Variants in COG6 observed in about 807,000 individuals in gnomAD.
COG6 encodes the protein conserved oligomeric Golgi complex subunit 6.
In COG6, 74 loss-of-function variants were observed where a neutral mutation model predicts 88.8. The observed-to-expected ratio is 0.83, with a 90% confidence interval of 0.69 to 1.01. The LOEUF (loss-of-function observed/expected upper bound fraction) is 1.01. Ranked by LOEUF, COG6 falls within the 50% of genes least tolerant of loss-of-function variation. The pLI is 0.00. For synonymous variants in COG6, 286 were observed against 278.7 expected, an observed-to-expected ratio of 1.03 and a Z score of -0.26; for missense variants, 800 against 797.9, an observed-to-expected ratio of 1.00 and a Z score of -0.03.
At chr13:39,781,675 G>T (rs1003941578) in intron 18 of COG6, among the ~76,000 whole-genome samples, 4 of 151,894 alleles carry the variant, frequency 2.6e-5, no homozygotes, top group African/African-American at 9.7e-5. Flanking sequence ...CCTCTGTCTG[G>T]GTTTGAATAG....
chr13:39,729,364 G>A (rs1185129324), intron 18 of COG6, among the ~76,000 whole-genome samples: 22 of 152,122 alleles, frequency 1.4e-4, no homozygotes, highest in Non-Finnish European at 1.5e-5. Context: ...AAAACCACTG[G>A]GAGCTGCTGC....
intron 18 of COG6, among the ~76,000 whole-genome samples, chr13:39,787,058 G>T (rs1171154571): frequency 1.3e-5 from 2 of 152,262 alleles, no homozygotes; most frequent in East Asian, 3.9e-4. Context: ...CAAGTCTGCT[G>T]GTTCTCTGCC....
At chr13:39,691,754 G>A (rs1183121789) in intron 11 of COG6, among the ~76,000 whole-genome samples, 1 of 151,682 alleles carries the variant, frequency 6.6e-6, no homozygotes, top group Non-Finnish European at 1.5e-5. Flanking sequence ...AAAAAATTTC[G>A]ACTTTAATTA....
chr13:39,661,004 C>T (rs1874863789), intron 3 of COG6, 123 bp downstream of exon 3: 1 of 661,632 alleles, frequency 1.5e-6, no homozygotes, highest in African/African-American at 1.8e-5. Flanking sequence ...TAAATATAAT[C>T]CTTATTTTTA....
At chr13:39,683,261 A>C (rs1286512893) in intron 8 of COG6, among the ~76,000 whole-genome samples, 3 of 152,214 alleles carry the variant, frequency 2.0e-5, no homozygotes, top group African/African-American at 7.2e-5. Flanking sequence ...ATAGTCTAGA[A>C]GTCATGTGCC....
At chr13:39,711,131 G>A (rs917985789) in intron 13 of COG6, among the ~76,000 whole-genome samples, 3 of 151,842 alleles carry the variant, frequency 2.0e-5, no homozygotes, top group Non-Finnish European at 4.4e-5. Flanking sequence ...AAGAATCACC[G>A]GTTTGAAAAG....
chr13:39,750,602 AATCAAT>A (rs1262661886), intron 18 of COG6, among the ~76,000 whole-genome samples: 2 of 152,194 alleles, frequency 1.3e-5, no homozygotes, highest in Non-Finnish European at 2.9e-5. Flanking sequence ...ACTTTTGCAA[AATCAAT>A]ACATTGACAT....
chr13:39,659,369 G>A lies in COG6; in HGVS notation c.159G>A (p.Met53Ile). Residue 53 changes from methionine to isoleucine, a missense_variant, in exon 2 of 19, where the codon ATG becomes ATA. Physicochemically the swap from Met to Ile is conservative, Grantham distance 10 (BLOSUM62 1). Coordinates refer to ENST00000455146, the MANE Select transcript of COG6 (RefSeq NM_020751.3). Reference protein sequence around the residue: ...LETRLDNDKEMLEALKALSTF... With the variant: ...LETRLDNDKEILEALKALSTF... The stretch of plus-strand genomic sequence containing the variant: ...TTCTGTTACCAATTGTATAGGAGAT[G>A]TTAGAAGCTCTCAAGGCACTTTCAA... The A allele has an allele frequency of 6.2e-7, 1 of 1,613,560 alleles. No individual in the cohort carries two copies. The highest frequency in any genetic ancestry group is 8.5e-7 in the Non-Finnish European group (1 of 1,179,708).
At position 39,682,261 on chromosome 13, in the gene COG6, A is replaced by G. The variant is rs756826030; in HGVS notation, c.785A>G (p.Tyr262Cys). 12 of 1,598,462 alleles carry G rather than the reference A, an allele frequency of 7.5e-6. No homozygotes were observed. The highest frequency in any genetic ancestry group is 3.3e-5 in the Admixed American group (2 of 59,918). The change falls in exon 8 of 19, where the codon TAT (tyrosine) becomes TGT (cysteine). Residue 262 changes from tyrosine to cysteine, a missense_variant. Transcript: ENST00000455146. Reference sequence around the variant, plus strand: ...GCCCTGCAGGACAGACCTGTCTTATATAAGTTGGTGACTTTTTCTTAATTA... The same window carrying G: ...GCCCTGCAGGACAGACCTGTCTTATGTAAGTTGGTGACTTTTTCTTAATTA... Reference protein sequence around the residue: ...MEALQDRPVLYKYTLDEFGTA... With the variant: ...MEALQDRPVLCKYTLDEFGTA...
intron 13 of COG6, among the ~76,000 whole-genome samples, chr13:39,714,896 A>C (rs1442081945): frequency 2.0e-5 from 3 of 152,188 alleles, no homozygotes; most frequent in Non-Finnish European, 1.5e-5. Flanking sequence ...GTCGATAAAG[A>C]AATTGCAACA....
Position 39,677,595 on chromosome 13 carries a change from G to C in COG6, c.540+16G>C, listed in dbSNP as rs777837306. On this transcript the variant is annotated intron_variant, in intron 5 of 18. Transcript: ENST00000455146. ...CATTACTGAGGTATCCTGGCTTTCT[G>C]TTATAATCATTTAAAGTTTAGTAGT... is the stretch of plus-strand genomic sequence containing the variant. 6.9e-7 allele frequency: 1 copy of C among 1,452,668 alleles called. No individual in the cohort carries two copies. Among genetic ancestry groups the C allele is most frequent in the South Asian group, 1.2e-5 (1 of 85,648 alleles). 90.0% of individuals were successfully genotyped at this position (1,452,668 alleles called of 1,614,324 possible).
At chr13:39,686,096 A>G (rs1876621964) in intron 8 of COG6, among the ~76,000 whole-genome samples, 1 of 152,234 alleles carries the variant, frequency 6.6e-6, no homozygotes, top group Non-Finnish European at 1.5e-5. Flanking sequence ...ACAGCATATG[A>G]AAGAAAGCTA....
At chr13:39,688,402 C>A (rs985878283) in intron 10 of COG6, among the ~76,000 whole-genome samples, 11 of 152,120 alleles carry the variant, frequency 7.2e-5, no homozygotes, top group Non-Finnish European at 1.6e-4. Context: ...ACATCTGCTT[C>A]TGGTGAAGGC....
At chr13:39,720,620 T>A (rs1878800814) in intron 15 of COG6, among the ~76,000 whole-genome samples, 1 of 152,084 alleles carries the variant, frequency 6.6e-6, no homozygotes. Flanking sequence ...CTACAGAACT[T>A]GTTACGAAAA....
rs7336789 is a variant in COG6, at chr13:39,674,635, A to T, written c.429-2833A>T. ...GTGTGGTTTCCATTACTTATGGTCA[A>T]CTGCAGTCTGAAAGTAATAAATGGA... On this transcript the variant is annotated intron_variant, in intron 4 of 18. Coordinates refer to ENST00000455146, the MANE Select transcript of COG6 (RefSeq NM_020751.3). Among the ~76,000 whole-genome samples, 1,009 of 152,282 alleles carry T rather than the reference A, an allele frequency of 6.6e-3. 12 individuals carry two copies. Among genetic ancestry groups the T allele is most frequent in the African/African-American group, 0.023 (958 of 41,560 alleles).
intron 13 of COG6, among the ~76,000 whole-genome samples, chr13:39,715,565 G>A (rs891646863): frequency 1.1e-4 from 16 of 151,950 alleles, no homozygotes; most frequent in Non-Finnish European, 2.1e-4. Flanking sequence ...CTAAGCTAAA[G>A]ATTCCACTGA....
At chr13:39,727,315 T>C (rs1879182965) in intron 17 of COG6, among the ~76,000 whole-genome samples, 154 bp from the exon 18 acceptor site, 1 of 151,566 alleles carries the variant, frequency 6.6e-6, no homozygotes, top group Admixed American at 6.6e-5. Context: ...TTAGTTAGAA[T>C]GTTTAGAAAA....
chr13:39,696,256 G>A (rs879747496), intron 12 of COG6, among the ~76,000 whole-genome samples: 4 of 151,602 alleles, frequency 2.6e-5, no homozygotes, highest in Admixed American at 6.6e-5. Flanking sequence ...TCTTCTAGGT[G>A]GTAAGGAAAC....
At chr13:39,673,978 A>G (rs147412976) in intron 4 of COG6, among the ~76,000 whole-genome samples, 396 of 152,178 alleles carry the variant, frequency 2.6e-3, no homozygotes, top group African/African-American at 9.2e-3. Flanking sequence ...TTAAACCCTT[A>G]TCAGCATTAG....
Sources: gnomAD v4.1 joint callset for allele counts (sites outside exome capture counted in the v4.1 genomes callset) on GRCh38, gnomAD v4.1.1 for gene constraint, MANE v1.5 for transcripts, NCBI Gene and HGNC (gene_info 2026-07-23, HGNC 2026-07-21) for gene names.